The following UBE2D2 variants were observed in gnomAD, a reference collection of about 807,000 sequenced individuals.
UBE2D2 encodes ubiquitin-conjugating enzyme E2 D2.
In UBE2D2, 2 loss-of-function variants were observed where a neutral mutation model predicts 24.2. That is an observed-to-expected ratio of 0.08 (90% CI 0.03 to 0.26). The LOEUF (loss-of-function observed/expected upper bound fraction) is 0.26. Ranked by LOEUF, UBE2D2 falls within the 10% of genes least tolerant of loss-of-function variation. The pLI is 1.00. For missense variants in UBE2D2, 44 were observed against 177.6 expected, an observed-to-expected ratio of 0.25 and a Z score of 4.28; for synonymous variants, 58 against 56.5, an observed-to-expected ratio of 1.03 and a Z score of -0.12.
intron 1 of UBE2D2, among the ~76,000 whole-genome samples, chr5:139,582,667 T>G (rs1192405317): frequency 1.9e-5 from 1 of 53,212 alleles, no homozygotes; most frequent in East Asian, 3.0e-4. Flanking sequence ...TAGATTCGAA[T>G]TTTTTTTTTT....
At chr5:139,570,732 C>T (rs530735910) in intron 1 of UBE2D2, among the ~76,000 whole-genome samples, 4 of 152,126 alleles carry the variant, frequency 2.6e-5, no homozygotes, top group East Asian at 3.9e-4. Context: ...AGGATGGTCT[C>T]GATCTCCTGA....
At chr5:139,537,628 A>G (rs1260341500) in intron 1 of UBE2D2, among the ~76,000 whole-genome samples, 1 of 151,444 alleles carries the variant, frequency 6.6e-6, no homozygotes, top group Admixed American at 6.6e-5. Context: ...TGCTGGGATT[A>G]TAGGCATGAG....
intron 6 of UBE2D2, among the ~76,000 whole-genome samples, chr5:139,624,723 G>C (rs1754579492): frequency 1.3e-5 from 2 of 152,192 alleles, no homozygotes; most frequent in South Asian, 4.1e-4. Context: ...TTAGGTTGCG[G>C]TGAGCTGAAA....
At chr5:139,616,758 A>G (rs1470115055) in intron 5 of UBE2D2, among the ~76,000 whole-genome samples, 1 of 152,218 alleles carries the variant, frequency 6.6e-6, no homozygotes, top group Admixed American at 6.5e-5. Context: ...TTATACTAAG[A>G]AAACAATCCC....
chr5:139,529,542 C>T (rs1290888310), intron 1 of UBE2D2, among the ~76,000 whole-genome samples: 1 of 152,128 alleles, frequency 6.6e-6, no homozygotes, highest in African/African-American at 2.4e-5. Flanking sequence ...AAAAAAAGAT[C>T]CTGTTTGGCT....
At chr5:139,607,185 C>CT (rs1388416516) in intron 2 of UBE2D2, among the ~76,000 whole-genome samples, 2 of 152,164 alleles carry the variant, frequency 1.3e-5, no homozygotes, top group Non-Finnish European at 2.9e-5. Context: ...ATACTTCTGC[C>CT]TATAAGAGCT....
chr5:139,588,545 C>G (rs1753781395), intron 1 of UBE2D2, among the ~76,000 whole-genome samples: 1 of 151,980 alleles, frequency 6.6e-6, no homozygotes, highest in African/African-American at 2.4e-5. Flanking sequence ...TAATTTTTAT[C>G]TAAATATAGT....
At chr5:139,580,101 A>T (rs957022955) in intron 1 of UBE2D2, among the ~76,000 whole-genome samples, 3 of 151,806 alleles carry the variant, frequency 2.0e-5, no homozygotes, top group Non-Finnish European at 4.4e-5. Flanking sequence ...TAATCTTAGT[A>T]CTTTTTTTTG....
At chr5:139,538,252 G>A (rs1446252867) in intron 1 of UBE2D2, among the ~76,000 whole-genome samples, 1 of 152,100 alleles carries the variant, frequency 6.6e-6, no homozygotes, top group African/African-American at 2.4e-5. Context: ...CCAAAGTGCT[G>A]GGATTGTAGG....
chr5:139,549,465 G>A (rs944536035), intron 1 of UBE2D2, among the ~76,000 whole-genome samples: 2 of 152,358 alleles, frequency 1.3e-5, no homozygotes, highest in East Asian at 3.9e-4. Context: ...GTGGGCCCAG[G>A]AAGTGAGGGG....
chr5:139,537,291 T>A (rs1274812700), intron 1 of UBE2D2, among the ~76,000 whole-genome samples: 2 of 152,204 alleles, frequency 1.3e-5, no homozygotes, highest in African/African-American at 4.8e-5. Context: ...AATAGTTTTT[T>A]GAAGCGGAAT....
chr5:139,553,388 C>T (rs1445298504), intron 1 of UBE2D2, among the ~76,000 whole-genome samples: 2 of 152,178 alleles, frequency 1.3e-5, no homozygotes, highest in East Asian at 3.9e-4. Flanking sequence ...CTTTTTACCA[C>T]AGCAGTCATC....
chr5:139,561,943 G>A, intron 1 of UBE2D2, 128 bp downstream of exon 1: 1 of 1,292,852 alleles, frequency 7.7e-7, no homozygotes, highest in African/African-American at 1.6e-5. Flanking sequence ...CCTCGGGGCG[G>A]CCTCCATACC....
chr5:139,584,691 C>G (rs928843512), intron 1 of UBE2D2, among the ~76,000 whole-genome samples: 1 of 151,210 alleles, frequency 6.6e-6, no homozygotes, highest in African/African-American at 2.4e-5. Flanking sequence ...TGCCACCATA[C>G]CCGGCTAATT....
intron 1 of UBE2D2, among the ~76,000 whole-genome samples, chr5:139,589,740 TTAAC>T (rs981429582): frequency 5.9e-5 from 9 of 152,204 alleles, no homozygotes; most frequent in Non-Finnish European, 7.3e-5. Context: ...GTATGAAACA[TTAAC>T]TATAGGGTTG....
At chr5:139,544,618 C>G (rs1013837684) in intron 1 of UBE2D2, among the ~76,000 whole-genome samples, 2 of 151,550 alleles carry the variant, frequency 1.3e-5, no homozygotes, top group Non-Finnish European at 2.9e-5. Flanking sequence ...CACACACACA[C>G]ACACACACAC....
intron 1 of UBE2D2, among the ~76,000 whole-genome samples, chr5:139,593,019 A>G (rs1390215689): frequency 7.9e-6 from 1 of 127,328 alleles, no homozygotes; most frequent in African/African-American, 3.1e-5. Flanking sequence ...TTTTTGAGGC[A>G]GAGTCTCGCT....
intron 1 of UBE2D2, among the ~76,000 whole-genome samples, chr5:139,542,973 T>C (rs1409007339): frequency 1.3e-5 from 2 of 152,138 alleles, no homozygotes; most frequent in Non-Finnish European, 2.9e-5. Flanking sequence ...CTCAGCTCAC[T>C]GCAACCTCTG....
intron 1 of UBE2D2, among the ~76,000 whole-genome samples, chr5:139,591,913 C>G (rs1411409357): frequency 2.6e-5 from 4 of 152,020 alleles, no homozygotes. Flanking sequence ...GTCTTGAAAA[C>G]CTGGGGCCGG....
Sources: allele counts gnomAD v4.1 joint callset (sites outside exome capture counted in the v4.1 genomes callset), GRCh38; gene constraint gnomAD v4.1.1; transcripts MANE v1.5; gene names NCBI Gene and HGNC (gene_info 2026-07-23, HGNC 2026-07-21).